THSD4: variants seen among roughly 807,000 people sequenced by gnomAD.
The protein encoded by THSD4 is thrombospondin type-1 domain-containing protein 4.
Under a neutral mutation model 119.0 loss-of-function variants are expected in THSD4, and 69 were observed. The observed-to-expected ratio is 0.58, with a 90% confidence interval of 0.48 to 0.71. THSD4 has a LOEUF of 0.71. THSD4 is among the 30% of genes least tolerant of loss of function. The probability of loss-of-function intolerance (pLI) is 0.00; values close to 1 mark genes in which losing one functional copy is unlikely to be tolerated. For missense variants in THSD4, 1,393 were observed against 1,391.1 expected (o/e 1.00, Z -0.02); for synonymous variants, 524 against 540.4 (o/e 0.97, Z 0.42).
At chr15:71,347,831 T>G (rs2045686600) in intron 6 of THSD4, among the ~76,000 whole-genome samples, 1 of 152,210 alleles carries the variant, frequency 6.6e-6, no homozygotes, top group Non-Finnish European at 1.5e-5. Context: ...ACATTGATCC[T>G]TCTCTGACTT....
At chr15:71,111,090 G>T (rs556666817), upstream of THSD4, 44 of 1,523,130 alleles carry the variant, frequency 2.9e-5, 1 homozygote, top group African/African-American at 5.2e-4. Flanking sequence ...GAGGAAAAGG[G>T]GAAATAATCT....
chr15:71,225,539 CTTTTT>C (rs1040381361), intron 4 of THSD4, among the ~76,000 whole-genome samples: 2 of 105,384 alleles, frequency 1.9e-5, no homozygotes, highest in Non-Finnish European at 4.0e-5. Flanking sequence ...TTTTCTTTTT[CTTTTT>C]TTTTTTCTTT....
intron 7 of THSD4, among the ~76,000 whole-genome samples, chr15:71,450,346 T>A (rs8042856): frequency 0.37 from 56,956 of 151,916 alleles, 10,843 homozygotes; most frequent in Admixed American, 0.41. Context: ...TTGAAGATTT[T>A]TTTTTTTCTT....
intron 7 of THSD4, among the ~76,000 whole-genome samples, chr15:71,648,893 C>T (rs1041886764): frequency 3.9e-5 from 6 of 152,172 alleles, no homozygotes; most frequent in Admixed American, 1.3e-4. Flanking sequence ...TCATTTAAGC[C>T]TCACAAGAGA....
At chr15:71,143,459 G>A (rs1402498485) in intron 2 of THSD4, among the ~76,000 whole-genome samples, 1 of 152,040 alleles carries the variant, frequency 6.6e-6, no homozygotes, top group Non-Finnish European at 1.5e-5. Context: ...ACAAAGAAGT[G>A]GAGGTCACAG....
chr15:71,356,964 G>C (rs762198872), intron 6 of THSD4, among the ~76,000 whole-genome samples: 3 of 152,202 alleles, frequency 2.0e-5, no homozygotes, highest in Non-Finnish European at 4.4e-5. Context: ...AGAGACCATG[G>C]CTGCGCACAT....
At chr15:71,633,098 G>A (rs1256675053) in intron 7 of THSD4, among the ~76,000 whole-genome samples, 1 of 152,160 alleles carries the variant, frequency 6.6e-6, no homozygotes, top group Non-Finnish European at 1.5e-5. Flanking sequence ...GCAAGGCAAA[G>A]TTGGTCTCTT....
At chr15:71,199,517 G>GTGTGTGTGTGTGTGTGGGC in intron 3 of THSD4, among the ~76,000 whole-genome samples, 1 of 145,852 alleles carries the variant, frequency 6.9e-6, no homozygotes, top group African/African-American at 2.6e-5. Context: ...TGTGTGTGGG[G>GTGTGTGTGTGTGTGTGGGC]TGTGTGTGGG....
chr15:71,377,263 C>G (rs2046150971), intron 6 of THSD4, among the ~76,000 whole-genome samples: 1 of 152,138 alleles, frequency 6.6e-6, no homozygotes, highest in Admixed American at 6.5e-5. Context: ...TTGAAATTAA[C>G]ACTAAATGAG....
chr15:71,359,337 T>TTGA (rs2045862879), intron 6 of THSD4, among the ~76,000 whole-genome samples: 1 of 152,240 alleles, frequency 6.6e-6, no homozygotes, highest in African/African-American at 2.4e-5. Flanking sequence ...TCTCCCTCTA[T>TTGA]TGATATAGTA....
At chr15:71,384,913 C>T (rs2046276900) in intron 6 of THSD4, among the ~76,000 whole-genome samples, 1 of 152,140 alleles carries the variant, frequency 6.6e-6, no homozygotes, top group Admixed American at 6.5e-5. Flanking sequence ...CTCTCAGATC[C>T]CCTTAACCAG....
intron 6 of THSD4, among the ~76,000 whole-genome samples, chr15:71,393,774 G>A (rs1008678142): frequency 5.3e-5 from 8 of 152,208 alleles, no homozygotes; most frequent in Non-Finnish European, 1.2e-4. Flanking sequence ...AGAAGCCCCA[G>A]AGGAGTCTCT....
rs149611592 is a variant in THSD4 at position 71,394,316 on chromosome 15, A to G, written c.1016-17371A>G. On this transcript the variant is annotated intron_variant, in intron 6 of 17. Coordinates refer to ENST00000261862, the MANE Select transcript of THSD4 (RefSeq NM_024817.3). ...GAGACGGAGTTTTACTGTGTTTCCC[A>G]GGCTGGAGTGCAGTCGTGCAATCTT... Among the ~76,000 whole-genome samples, 187 of 120,182 alleles carry G rather than the reference A, an allele frequency of 1.6e-3. 1 individual carries two copies. Among genetic ancestry groups the G allele is most frequent in the African/African-American group, 5.7e-3 (178 of 31,106 alleles). The allele number at this position is 120,182 out of a possible 152,430, so 78.8% of individuals were successfully genotyped here.
chr15:71,241,894 AT>A (rs993175446), intron 4 of THSD4, among the ~76,000 whole-genome samples: 1 of 151,522 alleles, frequency 6.6e-6, no homozygotes, highest in African/African-American at 2.4e-5. Flanking sequence ...ACATTATGAG[AT>A]TTTTTTTTGC....
intron 7 of THSD4, among the ~76,000 whole-genome samples, chr15:71,556,779 A>AAAAG (rs1555426288): frequency 6.6e-6 from 1 of 151,270 alleles, no homozygotes; most frequent in Non-Finnish European, 1.5e-5. Flanking sequence ...AAAAAAAAAA[A>AAAAG]GTACAACTGA....
chr15:71,459,388 C>CTCTCTCTCTCTCTCTCTCTCTCTG (rs1566991588), intron 7 of THSD4, among the ~76,000 whole-genome samples: 6 of 121,818 alleles, frequency 4.9e-5, no homozygotes, highest in Non-Finnish European at 1.1e-4. Flanking sequence ...CTGTCTCTCT[C>CTCTCTCTCTCTCTCTCTCTCTCTG]TCTCTCTCTC....
chr15:71,370,425 A>G (rs1216885974), intron 6 of THSD4, among the ~76,000 whole-genome samples: 2 of 152,214 alleles, frequency 1.3e-5, no homozygotes, highest in East Asian at 1.9e-4. Context: ...ATTTAGTGCT[A>G]TAAATTTCCC....
intron 6 of THSD4, among the ~76,000 whole-genome samples, chr15:71,259,790 T>G (rs1041493756): frequency 3.9e-5 from 6 of 152,200 alleles, no homozygotes; most frequent in Non-Finnish European, 8.8e-5. Flanking sequence ...CAGCCTACAT[T>G]GAGGGACAGA....
intron 1 of THSD4, among the ~76,000 whole-genome samples, chr15:71,119,203 T>C (rs1273092734): frequency 1.3e-5 from 2 of 152,166 alleles, no homozygotes; most frequent in Non-Finnish European, 2.9e-5. Context: ...TAAACCCAGC[T>C]CTCTAAATCT....
Sources: allele counts gnomAD v4.1 joint callset (sites outside exome capture counted in the v4.1 genomes callset), GRCh38; gene constraint gnomAD v4.1.1; transcripts MANE v1.5; gene names NCBI Gene and HGNC (gene_info 2026-07-23, HGNC 2026-07-21).